The following SYNE2 variants were observed in gnomAD, a reference collection of about 807,000 sequenced individuals.
SYNE2 encodes the protein nesprin-2.
In SYNE2, 431 loss-of-function variants were observed where a neutral mutation model predicts 856.3. That is an observed-to-expected ratio of 0.50 (90% CI 0.47 to 0.55). The LOEUF is 0.55. SYNE2 is among the 20% of genes least tolerant of loss of function. The pLI is 0.00. For synonymous variants in SYNE2, 2,923 were observed against 2,872.3 expected (o/e 1.02, Z -0.56); for missense variants, 8,129 against 8,023.2 (o/e 1.01, Z -0.50).
chr14:64,102,840 C>T (rs1390493294), intron 64 of SYNE2, among the ~76,000 whole-genome samples: 2 of 152,114 alleles, frequency 1.3e-5, no homozygotes, highest in African/African-American at 2.4e-5. Context: ...AACCACCATC[C>T]TATTCTCTGC....
chr14:64,121,506 A>G (rs1178519122), intron 68 of SYNE2, among the ~76,000 whole-genome samples: 1 of 152,230 alleles, frequency 6.6e-6, no homozygotes, highest in African/African-American at 2.4e-5. Flanking sequence ...CTGGGGTGAT[A>G]GCGTGAGACC....
At chr14:64,209,658 T>TA in intron 102 of SYNE2, 80 bp downstream of exon 102, 2 of 1,582,182 alleles carry the variant, frequency 1.3e-6, no homozygotes, top group Non-Finnish European at 1.7e-6. Flanking sequence ...TGACTTCCTC[T>TA]AAGTAGCCAG....
intron 58 of SYNE2, among the ~76,000 whole-genome samples, chr14:64,089,315 G>C (rs1453350230): frequency 8.0e-6 from 1 of 124,410 alleles, no homozygotes; most frequent in East Asian, 2.6e-4. Context: ...ACAGTGAGCA[G>C]AGATCGCGAC....
chr14:63,890,481 G>T (rs564523018), intron 1 of SYNE2, among the ~76,000 whole-genome samples: 1 of 152,220 alleles, frequency 6.6e-6, no homozygotes, highest in South Asian at 2.1e-4. Flanking sequence ...TTTATTTCTG[G>T]CTTTAGGGAA....
chr14:64,176,238 C>G (rs1228675327), intron 95 of SYNE2, among the ~76,000 whole-genome samples: 4 of 152,164 alleles, frequency 2.6e-5, no homozygotes, highest in African/African-American at 9.7e-5. Context: ...ATGCAGGCAC[C>G]TATTTTGTTC....
rs1405171400 is a variant in SYNE2, at chr14:64,126,373, T to C, written c.13601T>C (p.Phe4534Ser). The C allele has an allele frequency of 6.2e-7, 1 of 1,614,204 alleles. No homozygotes were observed. ...TATATCAATTTGGATAAAAAATTGTTTGAACTATTCCTGACCCTCAGTCAG... is the reference window on the plus strand; with the variant it reads ...TATATCAATTTGGATAAAAAATTGTCTGAACTATTCCTGACCCTCAGTCAG... ...EAYINLDKKL[F>S]ELFLTLSQCL... The change falls in exon 72 of 116, where the codon TTT becomes TCT. Residue 4534 changes from phenylalanine (F) to serine (S), a missense_variant. By Grantham distance (155) the Phe-to-Ser change is radical (BLOSUM62 -2). Coordinates refer to ENST00000555002, the MANE Select transcript of SYNE2 (RefSeq NM_182914.3).
chr14:63,901,618 C>T (rs1325623521), intron 1 of SYNE2, among the ~76,000 whole-genome samples: 1 of 152,102 alleles, frequency 6.6e-6, no homozygotes, highest in Non-Finnish European at 1.5e-5. Flanking sequence ...ATAAGCAAAC[C>T]ACAGTCATTT....
rs747369670 is a variant in SYNE2 at position 64,003,086 on chromosome 14, G to A, written c.4153G>A (p.Asp1385Asn). ...KHLDKCLKML[D>N]MSFKDAERGD... ...TTTGGATAAATGTTTGAAGATGCTC[G>A]ATATGAGCTTTAAAGATGCTGAACG... The change falls in exon 30 of 116, where the codon GAT (aspartate) becomes AAT (asparagine). Residue 1385 changes from aspartate (D) to asparagine (N), a missense_variant. By Grantham distance (23) the Asp-to-Asn change is conservative. Coordinates refer to ENST00000555002, the MANE Select transcript of SYNE2 (RefSeq NM_182914.3). 5 of 1,614,026 alleles carry A rather than the reference G, an allele frequency of 3.1e-6. No individual in the cohort carries two copies. The highest frequency in any genetic ancestry group is 1.7e-5 in the Admixed American group (1 of 60,004).
intron 1 of SYNE2, among the ~76,000 whole-genome samples, chr14:63,874,854 C>T (rs1459037261): frequency 3.3e-5 from 5 of 151,836 alleles, no homozygotes; most frequent in African/African-American, 9.7e-5. Context: ...GCATTTCTTG[C>T]CAAATAACCT....
intron 93 of SYNE2, among the ~76,000 whole-genome samples, chr14:64,169,172 C>A (rs1169710387): frequency 6.6e-6 from 1 of 152,146 alleles, no homozygotes; most frequent in Non-Finnish European, 1.5e-5. Context: ...GTGACAGACA[C>A]CTTTTCCGTA....
At chr14:64,075,140 A>T (rs1029184534) in intron 53 of SYNE2, among the ~76,000 whole-genome samples, 1 of 152,222 alleles carries the variant, frequency 6.6e-6, no homozygotes, top group African/African-American at 2.4e-5. Context: ...TTACAGAGTC[A>T]TTTAAAATTG....
intron 6 of SYNE2, among the ~76,000 whole-genome samples, chr14:63,948,520 G>A (rs2096072807): frequency 6.6e-6 from 1 of 151,416 alleles, no homozygotes; most frequent in African/African-American, 2.4e-5. Flanking sequence ...AAATTAGCCG[G>A]GAGTGGTGGC....
chr14:63,764,822 C>T (rs954318859), intron 1 of SYNE2, among the ~76,000 whole-genome samples: 2 of 152,138 alleles, frequency 1.3e-5, no homozygotes, highest in African/African-American at 4.8e-5. Flanking sequence ...GTGGCGCACA[C>T]CTGTGGCCCC....
intron 1 of SYNE2, among the ~76,000 whole-genome samples, chr14:63,879,111 T>A (rs1315806204): frequency 6.6e-6 from 1 of 152,110 alleles, no homozygotes; most frequent in Non-Finnish European, 1.5e-5. Context: ...AACTGCCTCA[T>A]AAGCCAAGAA....
At chr14:63,865,724 C>CGA (rs1555352398) in intron 1 of SYNE2, among the ~76,000 whole-genome samples, 2 of 95,412 alleles carry the variant, frequency 2.1e-5, no homozygotes, top group South Asian at 3.8e-4. Flanking sequence ...ACCCCCCCCC[C>CGA]AAAAAAAAAG....
At chr14:64,086,606 A>G (rs529562161) in intron 57 of SYNE2, among the ~76,000 whole-genome samples, 8 of 152,172 alleles carry the variant, frequency 5.3e-5, no homozygotes, top group Admixed American at 2.0e-4. Flanking sequence ...CATCTCAACC[A>G]TAGTGACTAT....
chr14:63,796,184 G>T (rs914602264), intron 1 of SYNE2, among the ~76,000 whole-genome samples: 8 of 152,192 alleles, frequency 5.3e-5, no homozygotes, highest in African/African-American at 1.9e-4. Context: ...TATTTGGCCA[G>T]GCACAATTGC....
chr14:64,101,483 A>G (rs561013781), intron 63 of SYNE2, among the ~76,000 whole-genome samples: 1 of 152,232 alleles, frequency 6.6e-6, no homozygotes, highest in South Asian at 2.1e-4. Context: ...ATGGGATCTC[A>G]CTCTGTTGCC....
intron 32 of SYNE2, among the ~76,000 whole-genome samples, chr14:64,012,971 A>T (rs966921616): frequency 6.6e-6 from 1 of 152,246 alleles, no homozygotes; most frequent in Non-Finnish European, 1.5e-5. Flanking sequence ...ATGTTTATCT[A>T]GGATATGGTG....
Sources: gnomAD v4.1 joint callset for allele counts (sites outside exome capture counted in the v4.1 genomes callset) on GRCh38, gnomAD v4.1.1 for gene constraint, MANE v1.5 for transcripts, NCBI Gene and HGNC (gene_info 2026-07-23, HGNC 2026-07-21) for gene names.